ADAM18: variants seen among roughly 807,000 people sequenced by gnomAD.
ADAM18 encodes the protein disintegrin and metalloproteinase domain-containing protein 18.
In ADAM18, 117 loss-of-function variants were observed where a neutral mutation model predicts 94.4. The observed-to-expected ratio is 1.24, with a 90% CI of 1.07 to 1.45. The LOEUF (loss-of-function observed/expected upper bound fraction) is 1.45, where lower values mean the gene tolerates loss of function less well. Among genes scored for constraint, ADAM18 ranks in the 40% most tolerant of loss-of-function variants. ADAM18 has a pLI of 0.00. For missense variants in ADAM18, 936 were observed against 880.0 expected (o/e 1.06, Z -0.81); for synonymous variants, 327 against 291.6 (o/e 1.12, Z -1.24).
intron 6 of ADAM18, among the ~76,000 whole-genome samples, chr8:39,627,662 AT>A (rs1244030325): frequency 1.3e-5 from 2 of 151,712 alleles, no homozygotes; most frequent in Non-Finnish European, 2.9e-5. Context: ...ATTTTTTTTT[AT>A]CCATTCTGCA....
Position 39,723,922 on chromosome 8 carries a change from G to A in ADAM18, c.2177+15G>A, listed in dbSNP as rs1309049397. ...GAGTATAATCGGTAAATATGATATA[G>A]AATCAATGTATTAGGTTTAATTATC... On this transcript the variant is annotated intron_variant, in intron 19 of 19. Coordinates refer to ENST00000265707, the MANE Select transcript of ADAM18 (RefSeq NM_014237.3). The A allele has an allele frequency of 1.4e-6, 2 of 1,403,032 alleles. No individual in the cohort carries two copies. The highest frequency in any genetic ancestry group is 3.3e-5 in the South Asian group (2 of 60,870). 86.9% of individuals were successfully genotyped at this position (1,403,032 alleles called of 1,614,324 possible).
At chr8:39,658,834 G>A (rs1042457936) in intron 12 of ADAM18, among the ~76,000 whole-genome samples, 1 of 152,174 alleles carries the variant, frequency 6.6e-6, no homozygotes, top group Admixed American at 6.5e-5. Flanking sequence ...CTTCTGGAGA[G>A]TACCGTACAT....
At chr8:39,607,525 T>A (rs1055104655) in intron 3 of ADAM18, among the ~76,000 whole-genome samples, 10 of 152,198 alleles carry the variant, frequency 6.6e-5, no homozygotes, top group African/African-American at 2.4e-4. Context: ...GATAGAATCA[T>A]CAGTGGTCCT....
At chr8:39,684,855 C>T (rs542697949) in intron 16 of ADAM18, among the ~76,000 whole-genome samples, 8 of 152,262 alleles carry the variant, frequency 5.3e-5, no homozygotes, top group African/African-American at 1.7e-4. Flanking sequence ...AACCCCTGAC[C>T]TCACCACTGT....
intron 3 of ADAM18, among the ~76,000 whole-genome samples, chr8:39,607,888 T>C (rs1377761082): frequency 6.6e-6 from 1 of 152,014 alleles, no homozygotes; most frequent in African/African-American, 2.4e-5. Flanking sequence ...CATCCACATG[T>C]TGGTTGCTCC....
intron 2 of ADAM18, chr8:39,604,802 A>T (rs900921676): frequency 2.0e-5 from 3 of 152,182 alleles, no homozygotes. Context: ...ATAGGAATGC[A>T]AGAACAGCCT....
intron 17 of ADAM18, among the ~76,000 whole-genome samples, chr8:39,695,992 T>C (rs1821914472): frequency 6.6e-6 from 1 of 151,492 alleles, no homozygotes; most frequent in Non-Finnish European, 1.5e-5. Flanking sequence ...AATCACCATA[T>C]TATTTGCCAC....
At chr8:39,602,105 T>C (rs1444087648) in intron 2 of ADAM18, among the ~76,000 whole-genome samples, 1 of 152,210 alleles carries the variant, frequency 6.6e-6, no homozygotes, top group Non-Finnish European at 1.5e-5. Flanking sequence ...TTGGCTATTG[T>C]TAATTATGAT....
intron 18 of ADAM18, among the ~76,000 whole-genome samples, chr8:39,710,963 C>T (rs1478627402): frequency 1.3e-5 from 2 of 152,158 alleles, no homozygotes; most frequent in East Asian, 1.9e-4. Flanking sequence ...AATTCCTAGG[C>T]TCAGCGAAAG....
chr8:39,723,772 A>G lies in ADAM18; in HGVS notation c.2042A>G (p.Tyr681Cys), dbSNP rs1822824935. The part of the protein sequence containing the change: ...KSGDFYTEKG[Y>C]NTHWNNWFIL... ...GGTGACTTTTATACTGAAAAAGGCT[A>G]CAATACACACTGGAACAACTGGTTT... is the stretch of plus-strand genomic sequence containing the variant. Residue 681 changes from tyrosine (Y) to cysteine (C), a missense_variant, in exon 19 of 20, where the codon TAC becomes TGC. Coordinates refer to ENST00000265707, the MANE Select transcript of ADAM18 (RefSeq NM_014237.3). 2 of 1,564,210 alleles carry G rather than the reference A, an allele frequency of 1.3e-6. No individual in the cohort carries two copies. The highest frequency in any genetic ancestry group is 1.2e-5 in the South Asian group (1 of 80,370).
intron 7 of ADAM18, among the ~76,000 whole-genome samples, chr8:39,636,010 T>C (rs1820065383): frequency 7.6e-6 from 1 of 130,800 alleles, no homozygotes; most frequent in Non-Finnish European, 1.6e-5. Context: ...AGTTTTTTTG[T>C]TTTTTTTTTT....
At chr8:39,661,154 CT>C (rs34697066) in intron 12 of ADAM18, among the ~76,000 whole-genome samples, 17,483 of 116,574 alleles carry the variant, frequency 0.15, 1,191 homozygotes, top group African/African-American at 0.27. Context: ...TCTTCTTCTT[CT>C]TTTTTTTTTT....
At chr8:39,706,129 C>A (rs1822236118) in intron 17 of ADAM18, among the ~76,000 whole-genome samples, 2 of 151,960 alleles carry the variant, frequency 1.3e-5, no homozygotes, top group African/African-American at 4.8e-5. Context: ...AAATACTAAA[C>A]TGTAGAAATA....
At position 39,663,817 on chromosome 8, in the gene ADAM18, G is replaced by A. The variant is rs1407917767; in HGVS notation, c.1253G>A (p.Cys418Tyr). ...TAGGAATGTCAATTTAAGAAGTGCT[G>A]TGATTATAACACATGTAAACTGAAG... ...NKNECQFKKCCDYNTCKLKGS... is the reference protein window; with the variant it reads ...NKNECQFKKCYDYNTCKLKGS... The change falls in exon 13 of 20, where the codon TGT (cysteine) becomes TAT (tyrosine). Residue 418 changes from cysteine to tyrosine, a missense_variant. Cys to Tyr is a radical substitution (Grantham distance 194). Coordinates refer to ENST00000265707, the MANE Select transcript of ADAM18 (RefSeq NM_014237.3). 6.2e-7 allele frequency: 1 copy of A among 1,612,338 alleles called. No individual in the cohort carries two copies. Among genetic ancestry groups the A allele is most frequent in the South Asian group, 1.1e-5 (1 of 90,572 alleles).
intron 7 of ADAM18, among the ~76,000 whole-genome samples, chr8:39,637,022 TATATA>T (rs1563285188): frequency 1.1e-3 from 26 of 23,910 alleles, no homozygotes; most frequent in South Asian, 1.5e-3. Context: ...GTGTATTTTA[TATATA>T]TATATATATA....
intron 6 of ADAM18, among the ~76,000 whole-genome samples, chr8:39,619,757 G>A (rs767364100): frequency 6.6e-6 from 1 of 152,034 alleles, no homozygotes; most frequent in Non-Finnish European, 1.5e-5. Flanking sequence ...TAAATGGAAA[G>A]ATATTTAATG....
intron 12 of ADAM18, among the ~76,000 whole-genome samples, chr8:39,660,547 A>T (rs947206325): frequency 5.3e-5 from 8 of 152,220 alleles, no homozygotes; most frequent in Admixed American, 2.0e-4. Context: ...AGAATACATA[A>T]CAATTATAAA....
intron 6 of ADAM18, among the ~76,000 whole-genome samples, chr8:39,627,046 G>A (rs2129578965): frequency 1.3e-5 from 2 of 152,208 alleles, no homozygotes; most frequent in Non-Finnish European, 2.9e-5. Flanking sequence ...CATAGGACTA[G>A]TAGTCATTGT....
rs1563302793 is a variant in ADAM18, at chr8:39,677,462, A to G, written c.1557A>G (p.Lys519=). Reference sequence around the variant, plus strand: ...AAGGTGCTCCATTTGCCTGTTTTAAAGAAGTTAATTCTCTGCATGAAAGAT... The same window carrying G: ...AAGGTGCTCCATTTGCCTGTTTTAAGGAAGTTAATTCTCTGCATGAAAGAT... The part of the protein sequence containing the change: ...GAQGAPFACF[K]EVNSLHERSE... Residue 519 remains lysine, a synonymous_variant, in exon 15 of 20, where the codon AAA becomes AAG. Transcript: ENST00000265707. 3 of 1,609,562 alleles carry G rather than the reference A, an allele frequency of 1.9e-6. No homozygotes were observed. Among genetic ancestry groups the G allele is most frequent in the Middle Eastern group, 1.7e-4 (1 of 6,042 alleles).
Sources: gnomAD v4.1 joint callset for allele counts (sites outside exome capture counted in the v4.1 genomes callset) on GRCh38, gnomAD v4.1.1 for gene constraint, MANE v1.5 for transcripts, NCBI Gene and HGNC (gene_info 2026-07-23, HGNC 2026-07-21) for gene names.